Variants in WDR27 observed in about 807,000 individuals in gnomAD.
The protein encoded by WDR27 is WD repeat-containing protein 27.
In WDR27, 100 loss-of-function variants were observed where a neutral mutation model predicts 114.4. The observed-to-expected ratio is 0.87, with a 90% CI of 0.74 to 1.03. WDR27 has a LOEUF of 1.03. Among genes scored for constraint, WDR27 ranks in the 50% least tolerant of loss-of-function variants. The probability of loss-of-function intolerance (pLI) is 0.00; values close to 1 mark genes in which losing one functional copy is unlikely to be tolerated. For synonymous variants in WDR27, 449 were observed against 423.1 expected, an observed-to-expected ratio of 1.06 and a Z score of -0.75; for missense variants, 1,129 against 1,092.9, an observed-to-expected ratio of 1.03 and a Z score of -0.47.
At chr6:169,446,627 A>T in the WDR27 span, among the ~76,000 whole-genome samples, 1 of 152,204 alleles carries the variant, frequency 6.6e-6, no homozygotes, top group East Asian at 1.9e-4. Context: ...AGGAGGAAAG[A>T]TCTTAAAAGG....
At chr6:169,699,438 A>G (rs1485244795) in intron 1 of WDR27, among the ~76,000 whole-genome samples, 1 of 152,192 alleles carries the variant, frequency 6.6e-6, no homozygotes, top group Non-Finnish European at 1.5e-5. Context: ...AAGAACGACA[A>G]TGGCATCACC....
intron 17 of WDR27, 137 bp from the exon 18 acceptor site, chr6:169,638,797 C>T: frequency 1.9e-6 from 2 of 1,041,568 alleles, no homozygotes; most frequent in South Asian, 1.6e-5. Flanking sequence ...CAGGAGGCTT[C>T]TCCTCGCCAC....
intron 19 of WDR27, 111 bp downstream of exon 19, chr6:169,636,260 G>A (rs1332014261): frequency 3.1e-6 from 4 of 1,276,368 alleles, no homozygotes; most frequent in Non-Finnish European, 4.3e-6. Flanking sequence ...GTGATATGAG[G>A]TCATTATTAA....
intron 25 of WDR27, among the ~76,000 whole-genome samples, chr6:169,465,076 T>C (rs1193089998): frequency 2.0e-5 from 3 of 151,918 alleles, no homozygotes; most frequent in African/African-American, 7.3e-5. Context: ...CTGACCAACA[T>C]GGTGAAACCC....
chr6:169,492,489 C>T (rs560079090), intron 25 of WDR27, among the ~76,000 whole-genome samples: 108 of 152,224 alleles, frequency 7.1e-4, no homozygotes, highest in African/African-American at 2.5e-3. Context: ...CAACATTAGA[C>T]ACCCGAAGGC....
At chr6:169,573,143 G>A (rs951274020) in intron 24 of WDR27, among the ~76,000 whole-genome samples, 63 of 152,140 alleles carry the variant, frequency 4.1e-4, no homozygotes, top group Admixed American at 1.4e-3. Flanking sequence ...CTCCGCCTTC[G>A]TCTGTGTCTT....
At chr6:169,427,050 G>A in the WDR27 span, 4 of 152,512 alleles carry the variant, frequency 2.6e-5, no homozygotes, top group African/African-American at 9.7e-5. Context: ...GAAATCAGCA[G>A]GTGAATGGCA....
the WDR27 span, among the ~76,000 whole-genome samples, chr6:169,445,678 T>C: frequency 1.3e-5 from 2 of 152,248 alleles, no homozygotes; most frequent in Non-Finnish European, 2.9e-5. Context: ...AACTATGAAA[T>C]GCACCTGAGA....
chr6:169,434,607 G>A, the WDR27 span, among the ~76,000 whole-genome samples: 1 of 152,122 alleles, frequency 6.6e-6, no homozygotes, highest in South Asian at 2.1e-4. Context: ...AAAGAGACCT[G>A]TGGCATTTTG....
chr6:169,510,017 A>C (rs1185301030), intron 25 of WDR27, among the ~76,000 whole-genome samples: 4 of 152,230 alleles, frequency 2.6e-5, no homozygotes, highest in African/African-American at 4.8e-5. Flanking sequence ...GCAGCCAAAA[A>C]ACACATGAAA....
chr6:169,459,439 G>A (rs1461794756), intron 25 of WDR27, among the ~76,000 whole-genome samples: 1 of 152,162 alleles, frequency 6.6e-6, no homozygotes, highest in East Asian at 1.9e-4. Flanking sequence ...TAAAGGGAAT[G>A]TGGGACACCA....
chr6:169,633,693 C>G (rs1044984254), intron 20 of WDR27, among the ~76,000 whole-genome samples: 3 of 152,174 alleles, frequency 2.0e-5, no homozygotes, highest in Admixed American at 6.5e-5. Flanking sequence ...TCAAGAGACC[C>G]GTAATGCTGG....
chr6:169,587,420 T>C (rs547339638), intron 23 of WDR27, among the ~76,000 whole-genome samples: 4 of 152,074 alleles, frequency 2.6e-5, no homozygotes, highest in Admixed American at 6.5e-5. Flanking sequence ...GGTTTCACCA[T>C]GTTAGCCAGG....
At chr6:169,642,492 ACT>A (rs1819476160) in intron 17 of WDR27, among the ~76,000 whole-genome samples, 1 of 152,136 alleles carries the variant, frequency 6.6e-6, no homozygotes, top group African/African-American at 2.4e-5. Flanking sequence ...TCCCAGGTGC[ACT>A]GTGAAGATTC....
chr6:169,613,736 G>T, intron 21 of WDR27, 80 bp from the exon 22 acceptor site: 1 of 1,238,972 alleles, frequency 8.1e-7, no homozygotes, highest in Non-Finnish European at 1.1e-6. Context: ...TCTCATAATA[G>T]CTGATTCTCA....
chr6:169,542,156 C>T (rs570183669), intron 25 of WDR27, among the ~76,000 whole-genome samples: 37 of 152,046 alleles, frequency 2.4e-4, no homozygotes, highest in South Asian at 1.0e-3. Flanking sequence ...ATTTTATCAA[C>T]GAATCATCAG....
At chr6:169,618,843 T>C (rs929646030) in intron 21 of WDR27, among the ~76,000 whole-genome samples, 1 of 152,150 alleles carries the variant, frequency 6.6e-6, no homozygotes, top group African/African-American at 2.4e-5. Context: ...TTGATGTACA[T>C]TGTGCAACTG....
intron 2 of WDR27, among the ~76,000 whole-genome samples, chr6:169,675,389 C>T (rs1779830687): frequency 6.6e-6 from 1 of 152,126 alleles, no homozygotes; most frequent in South Asian, 2.1e-4. Flanking sequence ...CACCAGAAGC[C>T]AAGCATTTGT....
At chr6:169,652,080 A>G in intron 13 of WDR27, 72 bp from the exon 14 acceptor site, 1 of 1,368,634 alleles carries the variant, frequency 7.3e-7, no homozygotes, top group Non-Finnish European at 1.0e-6. Context: ...TGAGAAGAAC[A>G]GAGTCTCTTC....
Sources: allele counts gnomAD v4.1 joint callset (sites outside exome capture counted in the v4.1 genomes callset), GRCh38; gene constraint gnomAD v4.1.1; transcripts MANE v1.5; gene names NCBI Gene and HGNC (gene_info 2026-07-23, HGNC 2026-07-21).